Variants in C6orf132 observed in about 807,000 individuals in gnomAD.
C6orf132 encodes the protein uncharacterized protein C6orf132.
A neutral mutation model predicts 65.3 loss-of-function variants in C6orf132; 43 were observed. That is an observed-to-expected ratio of 0.66 (90% CI 0.52 to 0.85). The LOEUF (loss-of-function observed/expected upper bound fraction) is 0.85. Among genes scored for constraint, C6orf132 ranks in the 40% least tolerant of loss-of-function variants. The pLI, the probability that C6orf132 is intolerant of heterozygous loss-of-function variation, is 0.00. For missense variants in C6orf132, 1,488 were observed against 1,548.8 expected, an observed-to-expected ratio of 0.96 and a Z score of 0.66; for synonymous variants, 631 against 654.1, an observed-to-expected ratio of 0.96 and a Z score of 0.54.
At chr6:42,114,425 CCCACA>C (rs1766536052) in intron 2 of C6orf132, among the ~76,000 whole-genome samples, 1 of 90,624 alleles carries the variant, frequency 1.1e-5, no homozygotes, top group South Asian at 3.9e-4. Context: ...CCCACTTGGG[CCCACA>C]TGGGCCCACA....
chr6:42,103,206 C>T lies in C6orf132; in HGVS notation c.*555G>A, dbSNP rs1313760828. The T allele has an allele frequency of 5.0e-6, 2 of 398,540 alleles. No homozygotes were observed. The highest frequency in any genetic ancestry group is 4.1e-5 in the African/African-American group (2 of 48,638). 24.7% of individuals were successfully genotyped at this position (398,540 alleles called of 1,614,324 possible). A position where few individuals can be genotyped will look rare whatever the true frequency, so the allele number is the denominator to read the frequency against. The stretch of plus-strand genomic sequence containing the variant: ...TATACATACACATTCCTGGTCCCAC[C>T]TCAATGCGGCTAGGAACCCCAGGTG... On this transcript the variant is annotated 3_prime_UTR_variant, in exon 5 of 5. Coordinates refer to ENST00000341865, the MANE Select transcript of C6orf132 (RefSeq NM_001164446.3).
intron 2 of C6orf132, among the ~76,000 whole-genome samples, chr6:42,111,824 G>A (rs946173667): frequency 6.6e-6 from 1 of 152,008 alleles, no homozygotes; most frequent in Non-Finnish European, 1.5e-5. Flanking sequence ...ATACTATTTT[G>A]CATTCTATTT....
chr6:42,141,310 G>A (rs746897061), intron 1 of C6orf132, among the ~76,000 whole-genome samples: 4 of 152,196 alleles, frequency 2.6e-5, no homozygotes, highest in Non-Finnish European at 5.9e-5. Context: ...ATAATATGGT[G>A]AGAATGAAGG....
At chr6:42,122,437 T>G (rs1216117152) in intron 2 of C6orf132, among the ~76,000 whole-genome samples, 1 of 152,186 alleles carries the variant, frequency 6.6e-6, no homozygotes, top group Non-Finnish European at 1.5e-5. Context: ...CGGCTGTTTA[T>G]GGGCCAGGAT....
intron 2 of C6orf132, among the ~76,000 whole-genome samples, chr6:42,127,697 C>T (rs565954591): frequency 2.0e-5 from 3 of 152,180 alleles, no homozygotes; most frequent in Non-Finnish European, 4.4e-5. Context: ...CCAGCTCCGA[C>T]AGACAGGAGT....
At chr6:42,108,875 C>G (rs1462342849) in intron 3 of C6orf132, among the ~76,000 whole-genome samples, 3 of 152,076 alleles carry the variant, frequency 2.0e-5, no homozygotes, top group Non-Finnish European at 4.4e-5. Flanking sequence ...CTCCCAGCTG[C>G]CTGACTTCAA....
chr6:42,122,860 G>C (rs1435391621), intron 2 of C6orf132, among the ~76,000 whole-genome samples: 1 of 152,192 alleles, frequency 6.6e-6, no homozygotes, highest in African/African-American at 2.4e-5. Context: ...GCAGAGCCAG[G>C]CCTGTCTGAC....
At chr6:42,108,711 C>T (rs939488115) in intron 3 of C6orf132, among the ~76,000 whole-genome samples, 4 of 152,118 alleles carry the variant, frequency 2.6e-5, no homozygotes, top group Admixed American at 2.0e-4. Flanking sequence ...AGCCCCTGGC[C>T]CCAGCAGCGC....
chr6:42,128,534 T>C (rs1364744540), intron 2 of C6orf132, 138 bp downstream of exon 2: 2 of 643,462 alleles, frequency 3.1e-6, no homozygotes, highest in African/African-American at 1.8e-5. Flanking sequence ...CTCCTTCCAG[T>C]AGCCCCCCTT....
At chr6:42,127,591 AC>A (rs1031903801) in intron 2 of C6orf132, among the ~76,000 whole-genome samples, 1 of 152,190 alleles carries the variant, frequency 6.6e-6, no homozygotes, top group African/African-American at 2.4e-5. Flanking sequence ...GAGAGCTCAG[AC>A]CAGGGCAAGG....
At chr6:42,123,207 A>C (rs565202960) in intron 2 of C6orf132, among the ~76,000 whole-genome samples, 11 of 151,554 alleles carry the variant, frequency 7.3e-5, no homozygotes, top group Non-Finnish European at 1.6e-4. Flanking sequence ...CACAGTGAAA[A>C]CCTGTCTCTA....
chr6:42,106,317 A>G lies in C6orf132; in HGVS notation c.1595T>C (p.Leu532Pro). The change falls in exon 4 of 5, where the codon CTT becomes CCT. Residue 532 changes from leucine (L) to proline (P), a missense_variant. Transcript: ENST00000341865. ...DTPPGVPEKS[L>P]GGSSLTETEA... is the part of the protein sequence containing the mutation. ...TGTCTCTGTCAGGCTGCTGCCGCCA[A>G]GACTCTTTTCAGGAACACCTGGGGG... The G allele has an allele frequency of 1.5e-5, 23 of 1,536,672 alleles. No homozygotes were observed. Among genetic ancestry groups the G allele is most frequent in the Non-Finnish European group, 2.0e-5 (23 of 1,146,858 alleles).
At chr6:42,103,931 C>A (rs1354083160) in intron 4 of C6orf132, 53 bp from the exon 5 acceptor site, 1 of 1,191,346 alleles carries the variant, frequency 8.4e-7, no homozygotes, top group Non-Finnish European at 1.1e-6. Context: ...TTAGCCAACA[C>A]GTCTCTCATC....
intron 1 of C6orf132, among the ~76,000 whole-genome samples, chr6:42,141,548 A>T (rs1426063300): frequency 6.6e-6 from 1 of 152,254 alleles, no homozygotes; most frequent in Admixed American, 6.5e-5. Flanking sequence ...AGAGGCCTGC[A>T]GAGACACACC....
intron 2 of C6orf132, among the ~76,000 whole-genome samples, chr6:42,120,901 A>C (rs537350875): frequency 6.6e-6 from 1 of 152,144 alleles, no homozygotes; most frequent in South Asian, 2.1e-4. Flanking sequence ...GATTACAGGC[A>C]TGAGCCACCG....
chr6:42,103,801 GA>G lies in C6orf132; in HGVS notation c.3526del (p.Ser1176ProfsTer49). 1 of 1,491,886 alleles carries G rather than the reference GA, an allele frequency of 6.7e-7. No homozygotes were observed. The highest frequency in any genetic ancestry group is 8.9e-7 in the Non-Finnish European group (1 of 1,123,426). The allele number at this position is 1,491,886 out of a possible 1,614,324, so 92.4% of individuals were successfully genotyped here. A position where few individuals can be genotyped will look rare whatever the true frequency, so the allele number is the denominator to read the frequency against. On this transcript the variant is annotated frameshift_variant, in exon 5 of 5. Coordinates refer to ENST00000341865, the MANE Select transcript of C6orf132 (RefSeq NM_001164446.3). LOFTEE classifies it high-confidence loss of function. ...TVRPGTRHPISYVCSGAHRKA... is the reference protein window; with the variant it reads ...TVRPGTRHPIXYVCSGAHRKA... Reference sequence around the variant, plus strand: ...CCGATGGGCCCCTGAGCAGACATAGGAGATGGGATGGCGGGTCCCAGGCCTC... The same window carrying G: ...CCGATGGGCCCCTGAGCAGACATAGGGATGGGATGGCGGGTCCCAGGCCTC...
At chr6:42,131,595 C>T (rs1261323506) in intron 1 of C6orf132, among the ~76,000 whole-genome samples, 3 of 152,268 alleles carry the variant, frequency 2.0e-5, no homozygotes, top group African/African-American at 4.8e-5. Flanking sequence ...GAGGAAGGCT[C>T]GGCTCGGCTC....
Position 42,107,107 on chromosome 6 carries a change from C to T in C6orf132, c.805G>A (p.Ala269Thr), listed in dbSNP as rs149228500. The T allele has an allele frequency of 7.0e-4, 1,020 of 1,456,678 alleles. 11 individuals carry two copies. In the African/African-American group the frequency reaches 0.013, roughly 19 times the overall value. 90.2% of individuals were successfully genotyped at this position (1,456,678 alleles called of 1,614,324 possible). Residue 269 changes from alanine to threonine, a missense_variant, in exon 4 of 5, where the codon GCA becomes ACA. Physicochemically the swap from Ala to Thr is moderately conservative, Grantham distance 58. Transcript: ENST00000341865. ...GGGGGGCTGGCTCTGGTGGCCTCTG[C>T]CTGCCTGCCATTCAGTGCTACATCT... ...KSDVALNGRQ[A>T]EATRASPPRS...
Position 42,107,297 on chromosome 6 carries a change from G to C in C6orf132, c.615C>G (p.Ser205=). 7.3e-7 allele frequency: 1 copy of C among 1,378,916 alleles called. No homozygotes were observed. Among genetic ancestry groups the C allele is most frequent in the Non-Finnish European group, 9.5e-7 (1 of 1,055,552 alleles). The allele number at this position is 1,378,916 out of a possible 1,614,324, so 85.4% of individuals were successfully genotyped here. ...AGTCAGGAGGGGTGGGTATGGATGGGGAGGAAAGAGTGTGTGGTGGGGATA... is the reference window on the plus strand; with the variant it reads ...AGTCAGGAGGGGTGGGTATGGATGGCGAGGAAAGAGTGTGTGGTGGGGATA... ...EALSPPHTLS[S]PSIPTPPDFI... The change falls in exon 4 of 5, where the codon TCC becomes TCG. Residue 205 remains serine (S), a synonymous_variant. Coordinates refer to ENST00000341865, the MANE Select transcript of C6orf132 (RefSeq NM_001164446.3).
Sources: gnomAD v4.1 joint callset for allele counts (sites outside exome capture counted in the v4.1 genomes callset) on GRCh38, gnomAD v4.1.1 for gene constraint, MANE v1.5 for transcripts, NCBI Gene and HGNC (gene_info 2026-07-23, HGNC 2026-07-21) for gene names.